Variants in CNTNAP2 observed in about 807,000 individuals in gnomAD.
The protein encoded by CNTNAP2 is contactin associated protein 2, also known as contactin-associated protein-like 2.
In CNTNAP2, 98 loss-of-function variants were observed where a neutral mutation model predicts 155.2. The ratio of observed to expected loss-of-function variants is 0.63; its 90% CI spans 0.54 to 0.75. The LOEUF is 0.75. Ranked by LOEUF, CNTNAP2 falls within the 30% of genes least tolerant of loss-of-function variation. CNTNAP2 has a pLI of 0.00. For missense variants in CNTNAP2, 1,727 were observed against 1,688.1 expected (o/e 1.02, Z -0.40); for synonymous variants, 651 against 631.2 (o/e 1.03, Z -0.47).
intron 3 of CNTNAP2, among the ~76,000 whole-genome samples, chr7:147,039,745 A>T (rs1467173041): frequency 7.2e-5 from 11 of 152,186 alleles, no homozygotes; most frequent in African/African-American, 2.7e-4. Flanking sequence ...TTGAGGAATC[A>T]TCATACTGCT....
chr7:146,483,560 A>G (rs1462218989), intron 1 of CNTNAP2, among the ~76,000 whole-genome samples: 2 of 150,026 alleles, frequency 1.3e-5, no homozygotes, highest in African/African-American at 4.9e-5. Flanking sequence ...GGAGTTTTGG[A>G]AAATTATGAT....
chr7:148,150,397 A>G (rs569583883), intron 17 of CNTNAP2, among the ~76,000 whole-genome samples: 1 of 151,994 alleles, frequency 6.6e-6, no homozygotes, highest in Admixed American at 6.5e-5. Context: ...AAATACAAAA[A>G]ATTAGCCAGG....
chr7:147,663,037 C>T (rs1364302367), intron 13 of CNTNAP2, among the ~76,000 whole-genome samples: 8 of 152,258 alleles, frequency 5.3e-5, no homozygotes, highest in South Asian at 2.1e-4. Context: ...CTCGCTCTGT[C>T]GCCCAGGCTG....
rs763147267 is a variant in CNTNAP2 at position 147,515,321 on chromosome 7, C to CTTTTTTTTTTTTTT, written c.1777+29287_1777+29288insTTTTTTTTTTTTTT. 3.2e-5 allele frequency among the ~76,000 whole-genome samples: 4 copies of CTTTTTTTTTTTTTT among 126,168 alleles called. 1 individual carries two copies. Among genetic ancestry groups the CTTTTTTTTTTTTTT allele is most frequent in the African/African-American group, 2.8e-5 (1 of 35,572 alleles). 82.8% of individuals were successfully genotyped at this position (126,168 alleles called of 152,430 possible). ...ATTTTTCTTCATAGTTCATTATATT[C>CTTTTTTTTTTTTTT]TTTTTTTGTTTGTTTGTTTTGAGAC... On this transcript the variant is annotated intron_variant, in intron 11 of 23. Transcript: ENST00000361727.
chr7:147,034,773 G>C (rs181583749), intron 3 of CNTNAP2, among the ~76,000 whole-genome samples: 3 of 152,078 alleles, frequency 2.0e-5, no homozygotes, highest in Non-Finnish European at 4.4e-5. Flanking sequence ...CTCCTCCAGC[G>C]TCCCTTGGCT....
At chr7:147,823,576 C>G (rs1465856430) in intron 13 of CNTNAP2, among the ~76,000 whole-genome samples, 1 of 152,030 alleles carries the variant, frequency 6.6e-6, no homozygotes, top group Non-Finnish European at 1.5e-5. Context: ...AGTTGGATAC[C>G]ACTGCAATTT....
intron 3 of CNTNAP2, among the ~76,000 whole-genome samples, chr7:147,006,990 A>G (rs1798538158): frequency 6.6e-6 from 1 of 152,146 alleles, no homozygotes; most frequent in Non-Finnish European, 1.5e-5. Flanking sequence ...TGAGAGTTTT[A>G]CATGAATATT....
At chr7:146,949,316 T>A (rs982254190) in intron 3 of CNTNAP2, among the ~76,000 whole-genome samples, 3 of 152,222 alleles carry the variant, frequency 2.0e-5, no homozygotes, top group African/African-American at 7.2e-5. Flanking sequence ...GAAACAGACC[T>A]CAGATCGCAC....
chr7:147,968,632 T>C lies in CNTNAP2; in HGVS notation c.2256-9230T>C, dbSNP rs545656552. ...TGAACAAAGGCTTTAACTTCTGACATAGAAGCGATTTTTGAAAATGAACGT... is the reference window on the plus strand; with the variant it reads ...TGAACAAAGGCTTTAACTTCTGACACAGAAGCGATTTTTGAAAATGAACGT... On this transcript the variant is annotated intron_variant, in intron 14 of 23. Transcript: ENST00000361727. Among the ~76,000 whole-genome samples the C allele has an allele frequency of 7.9e-5, 12 of 152,250 alleles. No individual in the cohort carries two copies. The South Asian group carries it at 1.5e-3, about 18-fold the overall frequency.
intron 1 of CNTNAP2, among the ~76,000 whole-genome samples, chr7:146,387,935 C>T (rs1480237524): frequency 6.6e-6 from 1 of 151,772 alleles, no homozygotes; most frequent in South Asian, 2.1e-4. Flanking sequence ...ATTTATTTTA[C>T]AGTTTTCTGT....
At chr7:146,832,592 AATAT>A (rs1240752641) in intron 2 of CNTNAP2, among the ~76,000 whole-genome samples, 1 of 147,946 alleles carries the variant, frequency 6.8e-6, no homozygotes, top group Non-Finnish European at 1.5e-5. Context: ...TATTAACTTC[AATAT>A]ATTTATTATA....
At chr7:146,913,637 C>G (rs981030610) in intron 3 of CNTNAP2, among the ~76,000 whole-genome samples, 4 of 152,036 alleles carry the variant, frequency 2.6e-5, no homozygotes, top group African/African-American at 7.2e-5. Context: ...TCTTGGGATT[C>G]TAAGGTCTTA....
At chr7:147,712,027 T>A (rs994733967) in intron 13 of CNTNAP2, among the ~76,000 whole-genome samples, 26 of 152,134 alleles carry the variant, frequency 1.7e-4, no homozygotes, top group African/African-American at 6.0e-4. Context: ...TCAAATCAAT[T>A]TCTCATTACT....
At chr7:147,196,952 A>C (rs569561654) in intron 8 of CNTNAP2, among the ~76,000 whole-genome samples, 1 of 152,242 alleles carries the variant, frequency 6.6e-6, no homozygotes, top group South Asian at 2.1e-4. Flanking sequence ...GTCTGGAGGC[A>C]GGGAACCTAA....
intron 3 of CNTNAP2, among the ~76,000 whole-genome samples, chr7:146,864,990 T>TAAAAAAAAAA: frequency 1.2e-5 from 1 of 83,998 alleles, no homozygotes; most frequent in African/African-American, 5.3e-5. Context: ...AGAGTCTATC[T>TAAAAAAAAAA]AAAAAAAAAA....
intron 1 of CNTNAP2, among the ~76,000 whole-genome samples, chr7:146,180,331 TTTTCTTTCTTCC>T (rs1798532458): frequency 6.6e-6 from 1 of 151,990 alleles, no homozygotes; most frequent in African/African-American, 2.4e-5. Flanking sequence ...CTTCCTTTCC[TTTTCTTTCTTCC>T]TTTCTTTATC....
intron 8 of CNTNAP2, among the ~76,000 whole-genome samples, chr7:147,299,445 T>TA (rs958225497): frequency 6.6e-6 from 1 of 150,890 alleles, no homozygotes; most frequent in African/African-American, 2.5e-5. Context: ...TTTTTTTTTT[T>TA]AATACCATGT....
chr7:147,150,180 G>A (rs966479741), intron 8 of CNTNAP2, among the ~76,000 whole-genome samples: 1 of 152,150 alleles, frequency 6.6e-6, no homozygotes, highest in Non-Finnish European at 1.5e-5. Flanking sequence ...CATGAGGATG[G>A]CATTGGTATT....
chr7:146,850,825 C>T (rs1794865414), intron 3 of CNTNAP2, among the ~76,000 whole-genome samples: 1 of 152,010 alleles, frequency 6.6e-6, no homozygotes. Flanking sequence ...AACAGTGGAG[C>T]TAGGATAGGA....
Sources: gnomAD v4.1 joint callset for allele counts (sites outside exome capture counted in the v4.1 genomes callset) on GRCh38, gnomAD v4.1.1 for gene constraint, MANE v1.5 for transcripts, NCBI Gene and HGNC (gene_info 2026-07-23, HGNC 2026-07-21) for gene names.